The following CRBN variants were observed in gnomAD, a reference collection of about 807,000 sequenced individuals.
The protein encoded by CRBN is protein cereblon.
CRBN carries 53 observed loss-of-function variants against 62.2 expected under a neutral mutation model. The ratio of observed to expected loss-of-function variants is 0.85; its 90% CI spans 0.68 to 1.07. The LOEUF is 1.07. CRBN is among the 50% of genes least tolerant of loss of function. CRBN has a pLI of 0.00. For synonymous variants in CRBN, 208 were observed against 176.1 expected, an observed-to-expected ratio of 1.18 and a Z score of -1.43; for missense variants, 616 against 531.1, an observed-to-expected ratio of 1.16 and a Z score of -1.57.
chr3:3,179,273 C>G (rs1295890693), intron 1 of CRBN, among the ~76,000 whole-genome samples: 1 of 152,182 alleles, frequency 6.6e-6, no homozygotes, highest in East Asian at 1.9e-4. Flanking sequence ...GGAAGGAGAC[C>G]AGCAAAAGTA....
At chr3:3,178,840 C>A (rs1707941194) in intron 1 of CRBN, among the ~76,000 whole-genome samples, 1 of 151,962 alleles carries the variant, frequency 6.6e-6, no homozygotes, top group Non-Finnish European at 1.5e-5. Context: ...TTTTGGAAAG[C>A]ATCTCTTGAA....
chr3:3,150,810 G>T lies in CRBN; in HGVS notation c.*55C>A. 6.5e-7 allele frequency: 1 copy of T among 1,540,616 alleles called. No individual in the cohort carries two copies. Among genetic ancestry groups the T allele is most frequent in the Non-Finnish European group, 8.9e-7 (1 of 1,125,258 alleles). The stretch of plus-strand genomic sequence containing the variant: ...TGTATCAGAGGCAATAATTTCCAAA[G>T]CAGATCTTAGAATATAACCAATTTG... On this transcript the variant is annotated 3_prime_UTR_variant, in exon 11 of 11. Transcript: ENST00000231948.
At chr3:3,173,814 A>C (rs2126068264) in intron 3 of CRBN, 1 of 523,130 alleles carries the variant, frequency 1.9e-6, no homozygotes, top group Non-Finnish European at 3.4e-6. Flanking sequence ...AATGATTAAA[A>C]ATTTTTCAAA....
intron 10 of CRBN, among the ~76,000 whole-genome samples, 183 bp downstream of exon 10, chr3:3,152,273 A>C (rs1705800): frequency 0.92 from 139,337 of 151,822 alleles, 65,124 homozygotes; most frequent in East Asian, 1. Flanking sequence ...GTGCCTCAGC[A>C]TCCCGAGCAG....
At chr3:3,163,049 G>A (rs698207) in intron 5 of CRBN, among the ~76,000 whole-genome samples, 139,976 of 152,228 alleles carry the variant, frequency 0.92, 65,500 homozygotes, top group East Asian at 1. Context: ...TTTCCCTGTT[G>A]GATTCCTTTT....
At chr3:3,158,606 AG>A (rs1707009817) in intron 5 of CRBN, among the ~76,000 whole-genome samples, 2 of 152,258 alleles carry the variant, frequency 1.3e-5, no homozygotes, top group Admixed American at 1.3e-4. Flanking sequence ...CTTCAGGAAC[AG>A]CAATGGCAAC....
chr3:3,154,059 T>TACTC lies in CRBN; in HGVS notation c.848_851dup (p.Ala285SerfsTer8). ...CATCATCAATAGGAAGACAAGCAGC[T>TACTC]ACTCTGTAAGAAAAATCTTCAAGAC... On this transcript the variant is annotated frameshift_variant, in exon 8 of 11. Transcript: ENST00000231948. LOFTEE classifies it high-confidence loss of function. 1 of 1,611,098 alleles carries TACTC rather than the reference T, an allele frequency of 6.2e-7. No homozygotes were observed. Among genetic ancestry groups the TACTC allele is most frequent in the Non-Finnish European group, 8.5e-7 (1 of 1,177,202 alleles).
intron 6 of CRBN, 138 bp downstream of exon 6, chr3:3,156,081 G>A: frequency 1.3e-6 from 1 of 762,836 alleles, no homozygotes; most frequent in South Asian, 1.6e-5. Context: ...TGGGATTACA[G>A]GTGTGAGCCA....
intron 5 of CRBN, among the ~76,000 whole-genome samples, chr3:3,166,260 G>C (rs1361996685): frequency 1.3e-5 from 2 of 152,146 alleles, no homozygotes; most frequent in East Asian, 3.9e-4. Flanking sequence ...CATGAGATCT[G>C]ATGGTTTTAA....
intron 6 of CRBN, chr3:3,155,315 G>C (rs532042567): frequency 4.4e-5 from 7 of 158,038 alleles, no homozygotes; most frequent in African/African-American, 1.4e-4. Context: ...AAAGAGCGGA[G>C]ATCAACTGCA....
chr3:3,175,030 T>A (rs77585218), intron 2 of CRBN, 133 bp downstream of exon 2: 451,722 of 642,318 alleles, frequency 0.7, 168,248 homozygotes, highest in Middle Eastern at 0.82. Flanking sequence ...GTTTATCTAC[T>A]GGCAAATAGC....
At position 3,167,800 on chromosome 3, in the gene CRBN, TAAAG is replaced by T; in HGVS notation, c.528-11_528-8del. The stretch of plus-strand genomic sequence containing the variant: ...CACTTTAGCTTGCTGGATTCTAAAA[TAAAG>T]AGAACCAAGCATGGTATTCATTTCT... On this transcript the variant is annotated splice_region_variant and splice_polypyrimidine_tract_variant and intron_variant, in intron 4 of 10. Transcript: ENST00000231948. 1 of 1,613,004 alleles carries T rather than the reference TAAAG, an allele frequency of 6.2e-7. No homozygotes were observed. Among genetic ancestry groups the T allele is most frequent in the Non-Finnish European group, 8.5e-7 (1 of 1,179,128 alleles).
intron 2 of CRBN, 27 bp from the exon 3 acceptor site, chr3:3,174,288 T>G: frequency 6.6e-7 from 1 of 1,505,718 alleles, no homozygotes; most frequent in Non-Finnish European, 9.2e-7. Context: ...ATAGGTATAG[T>G]GTCATGATCG....
intron 6 of CRBN, chr3:3,155,391 A>G (rs1671525778): frequency 6.4e-6 from 1 of 155,066 alleles, no homozygotes; most frequent in Admixed American, 6.3e-5. Flanking sequence ...GCAGTGATTC[A>G]TTAAGGGAAA....
Position 3,152,471 on chromosome 3 carries a change from T to C in CRBN, c.1133A>G (p.His378Arg). 2 of 1,613,174 alleles carry C rather than the reference T, an allele frequency of 1.2e-6. No homozygotes were observed. Among genetic ancestry groups the C allele is most frequent in the South Asian group, 1.1e-5 (1 of 91,020 alleles). Residue 378 changes from histidine (H) to arginine (R), a missense_variant, in exon 10 of 11, where the codon CAC (histidine) becomes CGC (arginine). By Grantham distance (29) the His-to-Arg change is conservative. Transcript: ENST00000231948. Reference protein sequence around the residue: ...LNLIGRPSTEHSWFPGYAWTV... With the variant: ...LNLIGRPSTERSWFPGYAWTV... ...ATAATATTACCCAGGAAACCAGCTGTGTTCTGTAGAAGGCCGGCCTATCAG... is the reference window on the plus strand; with the variant it reads ...ATAATATTACCCAGGAAACCAGCTGCGTTCTGTAGAAGGCCGGCCTATCAG...
At chr3:3,159,961 T>C (rs932798575) in intron 5 of CRBN, among the ~76,000 whole-genome samples, 1 of 152,244 alleles carries the variant, frequency 6.6e-6, no homozygotes, top group Non-Finnish European at 1.5e-5. Flanking sequence ...AAAATGGTTA[T>C]ACCTCAAGAA....
chr3:3,175,198 T>C lies in CRBN; in HGVS notation c.139A>G (p.Ile47Val), dbSNP rs1707781639. ...DSKEAKKPNI[I>V]NFDTSLPTSH... ...GTCGGCAGACTGGTGTCAAAATTTA[T>C]GATGTTTGGTTTTTTGGCTTCTTTA... The change falls in exon 2 of 11, where the codon ATA becomes GTA. Residue 47 changes from isoleucine to valine, a missense_variant. Ile to Val is a conservative substitution (Grantham distance 29). Transcript: ENST00000231948. 2 of 1,613,638 alleles carry C rather than the reference T, an allele frequency of 1.2e-6. No homozygotes were observed.
intron 3 of CRBN, 91 bp downstream of exon 3, chr3:3,173,968 G>C: frequency 9.0e-7 from 1 of 1,116,018 alleles, no homozygotes; most frequent in Non-Finnish European, 1.4e-6. Flanking sequence ...TCCTGTACAT[G>C]CGAAATAACA....
chr3:3,172,903 G>C lies in CRBN; in HGVS notation c.400C>G (p.Gln134Glu). The C allele has an allele frequency of 6.2e-7, 1 of 1,613,806 alleles. No homozygotes were observed. Among genetic ancestry groups the C allele is most frequent in the Non-Finnish European group, 8.5e-7 (1 of 1,179,790 alleles). ...TATATCTCTGCTGTTGTTCCAAACT[G>C]TGCTTCCCTTTCCTGTACATTGCTT... is the stretch of plus-strand genomic sequence containing the variant. Reference protein sequence around the residue: ...AYSNVQEREAQFGTTAEIYAY... With the variant: ...AYSNVQEREAEFGTTAEIYAY... The change falls in exon 4 of 11, where the codon CAG becomes GAG. Residue 134 changes from glutamine (Q) to glutamate (E), a missense_variant. Physicochemically the swap from Gln to Glu is conservative, Grantham distance 29. Transcript: ENST00000231948.
Sources: gnomAD v4.1 joint callset for allele counts (sites outside exome capture counted in the v4.1 genomes callset) on GRCh38, gnomAD v4.1.1 for gene constraint, MANE v1.5 for transcripts, NCBI Gene and HGNC (gene_info 2026-07-23, HGNC 2026-07-21) for gene names.